The following HDAC5 variants were observed in gnomAD, a reference collection of about 807,000 sequenced individuals.
HDAC5 encodes histone deacetylase 5, also known as antigen NY-CO-9.
In HDAC5, 25 loss-of-function variants were observed where a neutral mutation model predicts 133.3. The ratio of observed to expected loss-of-function variants is 0.19; its 90% CI spans 0.14 to 0.26. The LOEUF is 0.26. Among genes scored for constraint, HDAC5 ranks in the 10% least tolerant of loss-of-function variants. The probability of loss-of-function intolerance (pLI) is 1.00; values close to 1 mark genes in which losing one functional copy is unlikely to be tolerated. For synonymous variants in HDAC5, 589 were observed against 610.8 expected (o/e 0.96, Z 0.53); for missense variants, 1,041 against 1,460.5 (o/e 0.71, Z 4.68).
At position 44,093,754 on chromosome 17, in the gene HDAC5, G is replaced by A. The variant is rs760331044; in HGVS notation, c.175C>T (p.Leu59=). 2.6e-5 allele frequency: 41 copies of A among 1,599,504 alleles called. No individual in the cohort carries two copies. In the African/African-American group the frequency reaches 3.5e-4, roughly 14 times the overall value. ...GGGGSPSPVE[L]RGALVGSVDP... is the part of the protein sequence containing the mutation. Reference sequence around the variant, plus strand: ...ACAGAGCCCACCAGAGCCCCCCGTAGCTCCACAGGGCTGGGGCTGCCTCCA... The same window carrying A: ...ACAGAGCCCACCAGAGCCCCCCGTAACTCCACAGGGCTGGGGCTGCCTCCA... The change falls in exon 4 of 27, where the codon CTA becomes TTA. Residue 59 remains leucine, a synonymous_variant. Transcript: ENST00000682912.
rs946734082 is a variant in HDAC5 at position 44,093,691 on chromosome 17, G to C, written c.238C>G (p.Leu80Val). 6.2e-7 allele frequency: 1 copy of C among 1,608,526 alleles called. No individual in the cohort carries two copies. The highest frequency in any genetic ancestry group is 8.5e-7 in the Non-Finnish European group (1 of 1,177,762). The change falls in exon 4 of 27, where the codon CTC becomes GTC. Residue 80 changes from leucine to valine, a missense_variant. Coordinates refer to ENST00000682912, the MANE Select transcript of HDAC5 (RefSeq NM_005474.5). Reference sequence around the variant, plus strand: ...TGCTGCTGCTGCTTGAGCGCCAGGAGCTCCTGCTGCAGTTGCTGCTCCCGC... The same window carrying C: ...TGCTGCTGCTGCTTGAGCGCCAGGACCTCCTGCTGCAGTTGCTGCTCCCGC... ...TLREQQLQQE[L>V]LALKQQQQLQ...
intron 3 of HDAC5, among the ~76,000 whole-genome samples, chr17:44,107,629 G>C (rs1166582882): frequency 1.7e-5 from 2 of 120,092 alleles, no homozygotes; most frequent in Non-Finnish European, 3.7e-5. Flanking sequence ...AAAAAAAAAA[G>C]GGCAGGGAAA....
chr17:44,084,258 G>A (rs932167816), intron 16 of HDAC5, among the ~76,000 whole-genome samples: 5 of 152,150 alleles, frequency 3.3e-5, no homozygotes, highest in African/African-American at 7.2e-5. Context: ...CCTTGGGGAC[G>A]TCTTACCTCT....
At chr17:44,095,183 G>A (rs2051190758) in intron 3 of HDAC5, among the ~76,000 whole-genome samples, 1 of 152,148 alleles carries the variant, frequency 6.6e-6, no homozygotes. Flanking sequence ...TGACTTAGAT[G>A]CTATTATTAC....
chr17:44,113,793 G>A (rs775322329), intron 2 of HDAC5, among the ~76,000 whole-genome samples: 5 of 152,212 alleles, frequency 3.3e-5, no homozygotes, highest in East Asian at 1.9e-4. Flanking sequence ...GAGCCCAAAG[G>A]CTGTGGGGAT....
In HDAC5 at chr17:44,084,662, C is replaced by T. The variant is rs868763107; in HGVS notation, c.2198G>A (p.Arg733His). 6.2e-7 allele frequency: 1 copy of T among 1,613,850 alleles called. No homozygotes were observed. The highest frequency in any genetic ancestry group is 8.5e-7 in the Non-Finnish European group (1 of 1,179,824). Residue 733 changes from arginine to histidine, a missense_variant, in exon 16 of 27, where the codon CGC becomes CAC. Transcript: ENST00000682912. ...LLSKCERIRG[R>H]KATLDEIQTV... ...CTGGATCTCATCTAGCGTGGCTTTG[C>T]GACCTCGGATCCGCTGCCAGGAGGA... is the stretch of plus-strand genomic sequence containing the variant.
At chr17:44,084,755 A>G (rs900106431) in intron 15 of HDAC5, 80 bp from the exon 16 acceptor site, 29 of 1,546,014 alleles carry the variant, frequency 1.9e-5, no homozygotes, top group Non-Finnish European at 8.8e-7. Context: ...CAGGGCACAC[A>G]GAGCCACTTC....
At chr17:44,104,156 A>C (rs2051790714) in intron 3 of HDAC5, among the ~76,000 whole-genome samples, 1 of 151,772 alleles carries the variant, frequency 6.6e-6, no homozygotes, top group African/African-American at 2.4e-5. Context: ...CCCCGTCTCT[A>C]CTAAAAATAC....
At chr17:44,107,843 C>T (rs751080745) in intron 3 of HDAC5, among the ~76,000 whole-genome samples, 10 of 152,126 alleles carry the variant, frequency 6.6e-5, no homozygotes, top group Non-Finnish European at 1.0e-4. Flanking sequence ...AGCATTCCTT[C>T]CTGGCACAAG....
intron 1 of HDAC5, among the ~76,000 whole-genome samples, chr17:44,123,099 C>T (rs2053111324): frequency 6.6e-6 from 1 of 152,160 alleles, no homozygotes; most frequent in African/African-American, 2.4e-5. Context: ...AAAGGGGTGT[C>T]CAGCGAAGAG....
chr17:44,086,826 A>G, intron 13 of HDAC5, 89 bp from the exon 14 acceptor site: 1 of 988,084 alleles, frequency 1.0e-6, no homozygotes, highest in Non-Finnish European at 1.3e-6. Context: ...GTGGGGCCCC[A>G]ATCCAGCCCT....
At position 44,084,668 on chromosome 17, in the gene HDAC5, C is replaced by T. The variant is rs766368929; in HGVS notation, c.2192G>A (p.Arg731Gln). ...CTCATCTAGCGTGGCTTTGCGACCT[C>T]GGATCCGCTGCCAGGAGGATCAGTA... ...TGLLSKCERIRGRKATLDEIQ... is the reference protein window; with the variant it reads ...TGLLSKCERIQGRKATLDEIQ... The change falls in exon 16 of 27, where the codon CGA becomes CAA. Residue 731 changes from arginine (R) to glutamine (Q), a missense_variant. Transcript: ENST00000682912. The T allele has an allele frequency of 1.9e-5, 30 of 1,614,002 alleles. No individual in the cohort carries two copies. The highest frequency in any genetic ancestry group is 2.5e-5 in the Non-Finnish European group (29 of 1,179,908).
chr17:44,110,124 G>A (rs1238514476), intron 3 of HDAC5, among the ~76,000 whole-genome samples: 1 of 152,216 alleles, frequency 6.6e-6, no homozygotes, highest in Non-Finnish European at 1.5e-5. Context: ...GAGCGCCATC[G>A]GGAGACAGCT....
intron 2 of HDAC5, chr17:44,111,574 C>G (rs1029577211): frequency 1.9e-6 from 1 of 516,684 alleles, no homozygotes; most frequent in Admixed American, 1.9e-5. Flanking sequence ...CGTCTTTCTT[C>G]TTGCCTTCCA....
chr17:44,078,950 A>C, intron 24 of HDAC5, 71 bp from the exon 25 acceptor site: 1 of 1,546,600 alleles, frequency 6.5e-7, no homozygotes, highest in South Asian at 1.1e-5. Flanking sequence ...TAACTGCCCC[A>C]CTCAGCCCCA....
rs767159060 is a variant in HDAC5 at position 44,086,565 on chromosome 17, G to C, written c.2050+7C>G. 3 of 1,299,738 alleles carry C rather than the reference G, an allele frequency of 2.3e-6. No individual in the cohort carries two copies. Among genetic ancestry groups the C allele is most frequent in the Non-Finnish European group, 3.0e-6 (3 of 1,016,376 alleles). 80.5% of individuals were successfully genotyped at this position (1,299,738 alleles called of 1,614,324 possible). A position where few individuals can be genotyped will look rare whatever the true frequency, so the allele number is the denominator to read the frequency against. ...GCAGAAGGACCTAACAGTTGGTGGG[G>C]GCTCACCTGTGGTGAAGAGGTGCTT... On this transcript the variant is annotated splice_region_variant and intron_variant, in intron 14 of 26. Transcript: ENST00000682912.
At chr17:44,089,477 G>A (rs1250146044) in intron 11 of HDAC5, among the ~76,000 whole-genome samples, 1 of 152,212 alleles carries the variant, frequency 6.6e-6, no homozygotes, top group Admixed American at 6.5e-5. Context: ...AGGCGCAGTG[G>A]CTCACGCCTG....
chr17:44,100,353 G>T (rs920532662), intron 3 of HDAC5, among the ~76,000 whole-genome samples: 3 of 151,986 alleles, frequency 2.0e-5, no homozygotes, highest in Non-Finnish European at 4.4e-5. Flanking sequence ...AGAAGCCCTG[G>T]GGGGAGGGAG....
chr17:44,105,672 C>A (rs547653814), intron 3 of HDAC5, among the ~76,000 whole-genome samples: 1 of 152,188 alleles, frequency 6.6e-6, no homozygotes, highest in Non-Finnish European at 1.5e-5. Context: ...TGCTCCCTGG[C>A]GGCTGGAAAC....
Sources: allele counts gnomAD v4.1 joint callset (sites outside exome capture counted in the v4.1 genomes callset), GRCh38; gene constraint gnomAD v4.1.1; transcripts MANE v1.5; gene names NCBI Gene and HGNC (gene_info 2026-07-23, HGNC 2026-07-21).